The following SMG1 variants were observed in gnomAD, a reference collection of about 807,000 sequenced individuals.
The protein encoded by SMG1 is serine/threonine-protein kinase SMG1.
Under a neutral mutation model 419.9 loss-of-function variants are expected in SMG1, and 22 were observed. That is an observed-to-expected ratio of 0.05 (90% confidence interval 0.04 to 0.07). The LOEUF (loss-of-function observed/expected upper bound fraction) is 0.07, where lower values mean the gene tolerates loss of function less well. SMG1 is among the 10% of genes least tolerant of loss of function. SMG1 has a pLI of 1.00. For missense variants in SMG1, 3,185 were observed against 4,342.0 expected, an observed-to-expected ratio of 0.73 and a Z score of 7.49; for synonymous variants, 1,538 against 1,553.5, an observed-to-expected ratio of 0.99 and a Z score of 0.23.
chr16:18,873,711 G>T (rs993226012), intron 13 of SMG1, among the ~76,000 whole-genome samples: 6 of 152,232 alleles, frequency 3.9e-5, no homozygotes, highest in Non-Finnish European at 5.9e-5. Context: ...TTTTGCGGAA[G>T]TAGACTGTAT....
intron 31 of SMG1, among the ~76,000 whole-genome samples, chr16:18,852,725 G>C (rs1249683560): frequency 1.3e-5 from 2 of 152,194 alleles, no homozygotes; most frequent in Non-Finnish European, 2.9e-5. Flanking sequence ...TCATGACACT[G>C]AACATTGTAA....
intron 1 of SMG1, among the ~76,000 whole-genome samples, chr16:18,905,110 A>C (rs2037507578): frequency 6.7e-6 from 1 of 150,336 alleles, no homozygotes; most frequent in South Asian, 2.1e-4. Context: ...AAATACAAAA[A>C]ATTAGCCGGG....
chr16:18,843,903 CT>C (rs990159722), intron 39 of SMG1, among the ~76,000 whole-genome samples: 7 of 151,816 alleles, frequency 4.6e-5, no homozygotes, highest in Non-Finnish European at 8.8e-5. Flanking sequence ...TAGGTAATTC[CT>C]TTTTTTTGAG....
At position 18,925,977 on chromosome 16, in the gene SMG1, G is replaced by T. The variant is rs758984328; in HGVS notation, c.65C>A (p.Pro22Gln). 4.4e-6 allele frequency: 7 copies of T among 1,576,416 alleles called. No individual in the cohort carries two copies. Among genetic ancestry groups the T allele is most frequent in the Non-Finnish European group, 6.0e-6 (7 of 1,167,536 alleles). ...SGGGGGGTKY[P>Q]RSWNDWQPRT... ...GGGTTGCCAGTCATTCCAGCTCCGCGGATACTTGGTGCCGCCGCCGCCGCC... is the reference window on the plus strand; with the variant it reads ...GGGTTGCCAGTCATTCCAGCTCCGCTGATACTTGGTGCCGCCGCCGCCGCC... Residue 22 changes from proline to glutamine, a missense_variant, in exon 1 of 63, where the codon CCG becomes CAG. Transcript: ENST00000446231.
At position 18,835,140 on chromosome 16, in the gene SMG1, C is replaced by T. The variant is rs1463292049; in HGVS notation, c.8082G>A (p.Gln2694=). ...TGAACTGACACACTGTTGGGGGTGGCTGGGGAGCATATTGCATTTCATATC... is the reference window on the plus strand; with the variant it reads ...TGAACTGACACACTGTTGGGGGTGGTTGGGGAGCATATTGCATTTCATATC... ...YRKYEMQYAP[Q]PPPTVCQFIT... is the part of the protein sequence containing the mutation. Residue 2694 remains glutamine, a synonymous_variant, in exon 49 of 63, where the codon CAG becomes CAA. Coordinates refer to ENST00000446231, the MANE Select transcript of SMG1 (RefSeq NM_015092.5). 2.5e-6 allele frequency: 4 copies of T among 1,611,474 alleles called. No homozygotes were observed. The highest frequency in any genetic ancestry group is 3.3e-5 in the Admixed American group (2 of 59,950).
intron 13 of SMG1, among the ~76,000 whole-genome samples, chr16:18,874,709 T>A (rs1220676864): frequency 6.7e-6 from 1 of 148,670 alleles, no homozygotes; most frequent in African/African-American, 2.5e-5. Flanking sequence ...CTACTAAAAA[T>A]ACAAAAATTA....
intron 12 of SMG1, 95 bp from the exon 13 acceptor site, chr16:18,876,488 T>C (rs1299963140): frequency 7.2e-7 from 1 of 1,391,852 alleles, no homozygotes; most frequent in Admixed American, 2.3e-5. Flanking sequence ...GTGCTGACGA[T>C]ACAAATAAAT....
intron 13 of SMG1, among the ~76,000 whole-genome samples, chr16:18,872,903 T>C (rs1335214747): frequency 3.9e-5 from 6 of 152,004 alleles, no homozygotes; most frequent in African/African-American, 7.3e-5. Context: ...CCTGTAATCC[T>C]AGCACTTTGG....
intron 13 of SMG1, among the ~76,000 whole-genome samples, chr16:18,874,819 T>A (rs992831958): frequency 8.5e-6 from 1 of 117,796 alleles, no homozygotes; most frequent in African/African-American, 3.3e-5. Flanking sequence ...TGAGCCGAGA[T>A]TGCACCACTG....
At chr16:18,846,159 G>C (rs1270764113) in intron 38 of SMG1, among the ~76,000 whole-genome samples, 2 of 152,080 alleles carry the variant, frequency 1.3e-5, no homozygotes, top group African/African-American at 4.8e-5. Context: ...AAAAGAGGCA[G>C]CTCCTCTTTT....
At chr16:18,911,446 T>C (rs1174292921) in intron 1 of SMG1, 1 of 151,964 alleles carries the variant, frequency 6.6e-6, no homozygotes, top group Non-Finnish European at 1.5e-5. Context: ...TGGCGGAGGT[T>C]GCAGTGAGCT....
chr16:18,885,391 G>A, intron 7 of SMG1, 150 bp downstream of exon 7: 1 of 996,982 alleles, frequency 1.0e-6, no homozygotes, highest in Non-Finnish European at 1.6e-6. Context: ...ATGTCAGAAA[G>A]AAAAATGCGG....
Position 18,828,163 on chromosome 16 carries a change from T to G in SMG1, c.9609A>C (p.Gln3203His). 6.2e-7 allele frequency: 1 copy of G among 1,613,218 alleles called. No individual in the cohort carries two copies. Among genetic ancestry groups the G allele is most frequent in the Non-Finnish European group, 8.5e-7 (1 of 1,179,480 alleles). ...VQLHIAMFQW[Q>H]HEDLLINRPQ... ...GTCTATTGATAAGTAGATCTTCATG[T>G]TGCCACTGTTGAGAGAAAAAGAAAT... Residue 3203 changes from glutamine (Q) to histidine (H), a missense_variant, in exon 55 of 63, where the codon CAA (glutamine) becomes CAC (histidine). Gln to His is a conservative substitution (Grantham distance 24, BLOSUM62 0). Coordinates refer to ENST00000446231, the MANE Select transcript of SMG1 (RefSeq NM_015092.5).
At chr16:18,848,888 T>C (rs974774106) in intron 36 of SMG1, among the ~76,000 whole-genome samples, 3 of 151,304 alleles carry the variant, frequency 2.0e-5, no homozygotes, top group Admixed American at 1.3e-4. Context: ...CTGGCCAAGA[T>C]GGTGAAACCC....
chr16:18,870,580 A>C, intron 18 of SMG1, 30 bp downstream of exon 18: 10 of 1,381,786 alleles, frequency 7.2e-6, no homozygotes, highest in Non-Finnish European at 1.0e-5. Context: ...AATATCACAG[A>C]ATGTCTTTGC....
intron 1 of SMG1, among the ~76,000 whole-genome samples, chr16:18,921,488 C>T (rs2038199314): frequency 1.3e-5 from 2 of 152,098 alleles, no homozygotes; most frequent in Admixed American, 1.3e-4. Context: ...TGAAATTTTC[C>T]TTAGTGTACT....
Position 18,925,989 on chromosome 16 carries a change from C to A in SMG1, c.53G>T (p.Gly18Val). The A allele has an allele frequency of 2.0e-6, 3 of 1,503,264 alleles. No homozygotes were observed. The highest frequency in any genetic ancestry group is 1.8e-6 in the Non-Finnish European group (2 of 1,117,034). The allele number at this position is 1,503,264 out of a possible 1,614,324, so 93.1% of individuals were successfully genotyped here. A position where few individuals can be genotyped will look rare whatever the true frequency, so the allele number is the denominator to read the frequency against. ...ATTCCAGCTCCGCGGATACTTGGTG[C>A]CGCCGCCGCCGCCGCCGCTGCTCAG... ...SRLSSGGGGGGTKYPRSWNDW... is the reference protein window; with the variant it reads ...SRLSSGGGGGVTKYPRSWNDW... Residue 18 changes from glycine (G) to valine (V), a missense_variant, in exon 1 of 63, where the codon GGC becomes GTC. Physicochemically the swap from Gly to Val is moderately radical, Grantham distance 109. Coordinates refer to ENST00000446231, the MANE Select transcript of SMG1 (RefSeq NM_015092.5).
At chr16:18,910,559 C>T (rs571444958) in intron 1 of SMG1, among the ~76,000 whole-genome samples, 2 of 151,814 alleles carry the variant, frequency 1.3e-5, no homozygotes, top group Non-Finnish European at 2.9e-5. Flanking sequence ...GAAACGAGGT[C>T]TCACTATGTT....
chr16:18,898,455 A>G (rs1043162986), intron 1 of SMG1, among the ~76,000 whole-genome samples: 2 of 152,202 alleles, frequency 1.3e-5, no homozygotes, highest in Non-Finnish European at 2.9e-5. Flanking sequence ...CTAAGTCTAT[A>G]AGCATTAAAA....
Sources: allele counts gnomAD v4.1 joint callset (sites outside exome capture counted in the v4.1 genomes callset), GRCh38; gene constraint gnomAD v4.1.1; transcripts MANE v1.5; gene names NCBI Gene and HGNC (gene_info 2026-07-23, HGNC 2026-07-21).